The following RAB36 variants were observed in gnomAD, a reference collection of about 807,000 sequenced individuals.
RAB36 encodes ras-related protein Rab-36.
In RAB36, 33 loss-of-function variants were observed where a neutral mutation model predicts 39.3. That is an observed-to-expected ratio of 0.84 (90% CI 0.64 to 1.12). The LOEUF is 1.12. RAB36 is among the 50% of genes most tolerant of loss of function. The pLI is 0.00. For synonymous variants in RAB36, 133 were observed against 140.2 expected, an observed-to-expected ratio of 0.95 and a Z score of 0.36; for missense variants, 308 against 355.3, an observed-to-expected ratio of 0.87 and a Z score of 1.07.
In RAB36 at chr22:23,161,900, C is replaced by A. The variant is rs528026482; in HGVS notation, c.*336C>A. 6 of 329,012 alleles carry A rather than the reference C, an allele frequency of 1.8e-5. No homozygotes were observed. Among genetic ancestry groups the A allele is most frequent in the African/African-American group, 1.3e-4 (6 of 46,424 alleles). The allele number at this position is 329,012 out of a possible 1,614,324, so 20.4% of individuals were successfully genotyped here. A position where few individuals can be genotyped will look rare whatever the true frequency, so the allele number is the denominator to read the frequency against. The stretch of plus-strand genomic sequence containing the variant: ...TCAAGAGGCCTCAGAACTGCAAACT[C>A]CTGCGTCGGTCTATACTACTCGGCC... On this transcript the variant is annotated 3_prime_UTR_variant, in exon 11 of 11. Coordinates refer to ENST00000263116, the MANE Select transcript of RAB36 (RefSeq NM_004914.5).
intron 4 of RAB36, 30 bp downstream of exon 4, chr22:23,152,556 C>T (rs1438627610): frequency 1.2e-6 from 2 of 1,603,124 alleles, no homozygotes; most frequent in Admixed American, 1.7e-5. Context: ...CCTTTGGCCA[C>T]CTCCCCCAGC....
At chr22:23,153,284 C>A in intron 5 of RAB36, 150 bp downstream of exon 5, 1 of 671,134 alleles carries the variant, frequency 1.5e-6, no homozygotes, top group East Asian at 2.6e-5. Context: ...AGCTTCCTGG[C>A]TCCCAGAGCC....
At chr22:23,154,025 C>G (rs1224869939) in intron 5 of RAB36, among the ~76,000 whole-genome samples, 2 of 152,068 alleles carry the variant, frequency 1.3e-5, no homozygotes, top group Non-Finnish European at 2.9e-5. Flanking sequence ...CCCTGGGAGT[C>G]TGACTCACGA....
chr22:23,167,469 C>T (rs1239258702), downstream of RAB36, among the ~76,000 whole-genome samples: 2 of 152,194 alleles, frequency 1.3e-5, no homozygotes, highest in African/African-American at 4.8e-5. Flanking sequence ...CCCCTCCTCC[C>T]AGCCCTGCTG....
chr22:23,150,963 C>G lies in RAB36; in HGVS notation c.161+809C>G, dbSNP rs373115335. ...TGTGTCTGTCCTCTTCCTGCCGCGG[C>G]AGCTCCTGCCACCACTGGCAGAGGG... On this transcript the variant is annotated intron_variant, in intron 3 of 10. Coordinates refer to ENST00000263116, the MANE Select transcript of RAB36 (RefSeq NM_004914.5). 7.2e-5 allele frequency among the ~76,000 whole-genome samples: 11 copies of G among 152,354 alleles called. No individual in the cohort carries two copies. In the East Asian group the frequency reaches 9.7e-4, roughly 13 times the overall value.
rs76959044 is a variant in RAB36, at chr22:23,162,143, C to G, written c.*579C>G. On this transcript the variant is annotated 3_prime_UTR_variant, in exon 11 of 11. Transcript: ENST00000263116. ...TCACTGTCCTTCTGCCACGGATGCTCAAGGTTCCTGGGCAGACCAGCACCT... is the reference window on the plus strand; with the variant it reads ...TCACTGTCCTTCTGCCACGGATGCTGAAGGTTCCTGGGCAGACCAGCACCT... 6.0e-6 allele frequency: 1 copy of G among 166,746 alleles called. No individual in the cohort carries two copies. The highest frequency in any genetic ancestry group is 2.4e-5 in the African/African-American group (1 of 41,642). 10.3% of individuals were successfully genotyped at this position (166,746 alleles called of 1,614,324 possible). A position where few individuals can be genotyped will look rare whatever the true frequency, so the allele number is the denominator to read the frequency against.
At chr22:23,165,928 C>T (rs925212467), downstream of RAB36, among the ~76,000 whole-genome samples, 12 of 152,170 alleles carry the variant, frequency 7.9e-5, no homozygotes, top group East Asian at 1.9e-4. Flanking sequence ...GGGCGGATCA[C>T]GAGGTCAGGA....
At chr22:23,167,747 T>G (rs956859492), downstream of RAB36, among the ~76,000 whole-genome samples, 3 of 152,102 alleles carry the variant, frequency 2.0e-5, no homozygotes, top group South Asian at 2.1e-4. Context: ...AGGGTCTCGC[T>G]GTGTTGCCTG....
chr22:23,152,370 C>T (rs1039412070), intron 3 of RAB36, 91 bp from the exon 4 acceptor site: 2 of 1,349,610 alleles, frequency 1.5e-6, no homozygotes, highest in East Asian at 2.3e-5. Flanking sequence ...GGTGTCTCAC[C>T]AGCAGAGAGC....
rs746351961 is a variant in RAB36 at position 23,165,601 on chromosome 22, T to C, written c.*4037T>C. Among the ~76,000 whole-genome samples, 17 of 152,214 alleles carry C rather than the reference T, an allele frequency of 1.1e-4. No individual in the cohort carries two copies. Among genetic ancestry groups the C allele is most frequent in the Non-Finnish European group, 2.2e-4 (15 of 68,050 alleles). ...GAAAAATGTTTGTGCTATTTAGTAC[T>C]ATGTAACAAATCACTCCAAAACTTC... On this transcript the variant is annotated 3_prime_UTR_variant, in exon 11 of 11. Coordinates refer to ENST00000263116, the MANE Select transcript of RAB36 (RefSeq NM_004914.5).
chr22:23,151,830 C>T (rs1330222552), intron 3 of RAB36, among the ~76,000 whole-genome samples: 1 of 152,228 alleles, frequency 6.6e-6, no homozygotes, highest in Non-Finnish European at 1.5e-5. Context: ...AGCCCAAGAA[C>T]CTCAGAGCCG....
downstream of RAB36, among the ~76,000 whole-genome samples, chr22:23,166,147 T>TAAA (rs695297): frequency 2.1e-3 from 125 of 59,884 alleles, 3 homozygotes; most frequent in South Asian, 0.013. Context: ...CTCTGTCTTT[T>TAAA]AAAAAAAAAA....
At chr22:23,166,467 TAAGC>T (rs1569227254), downstream of RAB36, among the ~76,000 whole-genome samples, 1 of 151,726 alleles carries the variant, frequency 6.6e-6, no homozygotes, top group African/African-American at 2.4e-5. Context: ...GCTTTCTCCC[TAAGC>T]AACAGCTCCT....
chr22:23,150,909 C>T (rs916524958), intron 3 of RAB36, among the ~76,000 whole-genome samples: 1 of 152,204 alleles, frequency 6.6e-6, no homozygotes, highest in African/African-American at 2.4e-5. Flanking sequence ...CTGGATTCCT[C>T]ACTAGACCTA....
upstream of RAB36, chr22:23,145,379 G>T (rs775409255): frequency 3.1e-6 from 5 of 1,607,654 alleles, no homozygotes; most frequent in South Asian, 5.5e-5. Context: ...GTGATCGCCG[G>T]TGCAAGCTGG....
chr22:23,168,436 T>G (rs974139995), downstream of RAB36, among the ~76,000 whole-genome samples: 2 of 151,992 alleles, frequency 1.3e-5, no homozygotes, highest in Non-Finnish European at 2.9e-5. Flanking sequence ...GAGGGACCCC[T>G]CCTCTCCTGA....
chr22:23,167,952 T>TC (rs921486680), downstream of RAB36, among the ~76,000 whole-genome samples: 85 of 151,688 alleles, frequency 5.6e-4, 1 homozygote, highest in South Asian at 1.5e-3. Context: ...CATCAAGCAA[T>TC]CCCCCCACCC....
At chr22:23,151,106 G>C (rs2071094352) in intron 3 of RAB36, among the ~76,000 whole-genome samples, 1 of 152,256 alleles carries the variant, frequency 6.6e-6, no homozygotes, top group African/African-American at 2.4e-5. Flanking sequence ...GGGTCACAGA[G>C]GTGCGATGAG....
Position 23,164,228 on chromosome 22 carries a change from T to C in RAB36, c.*2664T>C, listed in dbSNP as rs1173403006. 6.6e-6 allele frequency: 1 copy of C among 152,316 alleles called. No individual in the cohort carries two copies. Among genetic ancestry groups the C allele is most frequent in the African/African-American group, 2.4e-5 (1 of 41,456 alleles). The allele number at this position is 152,316 out of a possible 1,614,324, so 9.4% of individuals were successfully genotyped here. On this transcript the variant is annotated 3_prime_UTR_variant, in exon 11 of 11. Transcript: ENST00000263116. ...CCCTTGCCCCTTCGGGCCTCCAGGATATGTTTGCGGGGGTGGGTGTGGTGT... is the reference window on the plus strand; with the variant it reads ...CCCTTGCCCCTTCGGGCCTCCAGGACATGTTTGCGGGGGTGGGTGTGGTGT...
Sources: gnomAD v4.1 joint callset for allele counts (sites outside exome capture counted in the v4.1 genomes callset) on GRCh38, gnomAD v4.1.1 for gene constraint, MANE v1.5 for transcripts, NCBI Gene and HGNC (gene_info 2026-07-23, HGNC 2026-07-21) for gene names.